The following ACAN variants were observed in gnomAD, a reference collection of about 807,000 sequenced individuals.
The protein encoded by ACAN is aggrecan.
In ACAN, 47 loss-of-function variants were observed where a neutral mutation model predicts 169.1. The ratio of observed to expected loss-of-function variants is 0.28; its 90% CI spans 0.22 to 0.35. The LOEUF (loss-of-function observed/expected upper bound fraction) is 0.35. Ranked by LOEUF, ACAN falls within the 10% of genes least tolerant of loss-of-function variation. The pLI, the probability that ACAN is intolerant of heterozygous loss-of-function variation, is 1.00. For missense variants in ACAN, 2,716 were observed against 2,759.9 expected, an observed-to-expected ratio of 0.98 and a Z score of 0.36; for synonymous variants, 1,115 against 1,112.2, an observed-to-expected ratio of 1.00 and a Z score of -0.05.
In ACAN at chr15:88,838,631, G is replaced by A; in HGVS notation, c.71-32G>A. 2 of 1,550,088 alleles carry A rather than the reference G, an allele frequency of 1.3e-6. No individual in the cohort carries two copies. Among genetic ancestry groups the A allele is most frequent in the South Asian group, 1.3e-5 (1 of 79,984 alleles). The stretch of plus-strand genomic sequence containing the variant: ...GGGTGGTCCTCTCTAGGCACTAACA[G>A]GTCTCTCTTCTACCCCACCTCTCCC... On this transcript the variant is annotated intron_variant, in intron 2 of 18. Transcript: ENST00000560601. The surrounding 1 kb of genome is among the most constrained non-coding windows in gnomAD (Gnocchi z 5.1).
chr15:88,844,119 G>A (rs368197575), intron 6 of ACAN, among the ~76,000 whole-genome samples: 9 of 151,934 alleles, frequency 5.9e-5, no homozygotes, highest in South Asian at 2.1e-4. Context: ...GGTCAAAATG[G>A]GTTTTGTTGT....
In ACAN at chr15:88,851,490, TAAAGCTGTTGTGAGATA is replaced by T. The variant is rs1896928981; in HGVS notation, c.2027-301_2027-285del. 1 of 290,750 alleles carries T rather than the reference TAAAGCTGTTGTGAGATA, an allele frequency of 3.4e-6. No homozygotes were observed. Among genetic ancestry groups the T allele is most frequent in the African/African-American group, 2.1e-5 (1 of 46,592 alleles). 18.0% of individuals were successfully genotyped at this position (290,750 alleles called of 1,614,324 possible). On this transcript the variant is annotated intron_variant, in intron 10 of 18. Coordinates refer to ENST00000560601, the MANE Select transcript of ACAN (RefSeq NM_001369268.1). This position sits in a 1 kb window ranked among gnomAD's most constrained non-coding sequence, Gnocchi z 4.3. ...AAATGAGATAATCATATCTCTCTCA[TAAAGCTGTTGTGAGATA>T]AAGTGATTTTAGATACACAAGGCTT...
At position 88,866,298 on chromosome 15, in the gene ACAN, A is replaced by C. The variant is rs1897279374; in HGVS notation, c.6947-1918A>C. Among the ~76,000 whole-genome samples the C allele has an allele frequency of 6.6e-6, 1 of 152,098 alleles. No homozygotes were observed. Among genetic ancestry groups the C allele is most frequent in the Non-Finnish European group, 1.5e-5 (1 of 68,024 alleles). On this transcript the variant is annotated intron_variant, in intron 13 of 18. Coordinates refer to ENST00000560601, the MANE Select transcript of ACAN (RefSeq NM_001369268.1). The surrounding 1 kb of genome is among the most constrained non-coding windows in gnomAD (Gnocchi z 5.6). ...GCCACTCCTGTTCCCTGCTCTGTAC[A>C]ACTGCTTTAGCACCTACATTTGCTT...
At position 88,862,378 on chromosome 15, in the gene ACAN, C is replaced by T. The variant is rs144042067; in HGVS notation, c.6946+1939C>T. 4.6e-5 allele frequency among the ~76,000 whole-genome samples: 7 copies of T among 152,334 alleles called. No homozygotes were observed. In the East Asian group the frequency reaches 1.3e-3, roughly 29 times the overall value. On this transcript the variant is annotated intron_variant, in intron 13 of 18. Transcript: ENST00000560601. ...AGGCGACTCCAATGTGCAGCCAGGA[C>T]TGAGAACCGCTGCTGTGAGGGTGAA...
At chr15:88,804,131 C>T (rs1279067166) in intron 1 of ACAN, among the ~76,000 whole-genome samples, 4 of 152,162 alleles carry the variant, frequency 2.6e-5, no homozygotes, top group African/African-American at 7.2e-5. Context: ...TCTGGAAAGA[C>T]CCATGGTTGA....
intron 1 of ACAN, among the ~76,000 whole-genome samples, chr15:88,824,182 G>A (rs535880821): frequency 6.6e-6 from 1 of 152,220 alleles, no homozygotes; most frequent in Admixed American, 6.5e-5. Context: ...AAATTAGCCA[G>A]GCGTGGTGGC....
rs1897397823 is a variant in ACAN, at chr15:88,872,208, CT to C, written c.7302+125del. The C allele has an allele frequency of 1.2e-6, 1 of 824,192 alleles. No individual in the cohort carries two copies. The highest frequency in any genetic ancestry group is 2.1e-5 in the Admixed American group (1 of 48,296). 51.1% of individuals were successfully genotyped at this position (824,192 alleles called of 1,614,324 possible). ...CTTACCAGCTGCTGGACCGGGAACC[CT>C]TGAGGGCAGGGATTATCTCCTTCAT... On this transcript the variant is annotated intron_variant, in intron 16 of 18. Coordinates refer to ENST00000560601, the MANE Select transcript of ACAN (RefSeq NM_001369268.1). The surrounding 1 kb of genome is among the most constrained non-coding windows in gnomAD (Gnocchi z 5.4).
Position 88,847,972 on chromosome 15 carries a change from A to G in ACAN, c.1666A>G (p.Arg556Gly). 1 of 1,614,048 alleles carries G rather than the reference A, an allele frequency of 6.2e-7. No individual in the cohort carries two copies. The highest frequency in any genetic ancestry group is 8.5e-7 in the Non-Finnish European group (1 of 1,179,896). Reference sequence around the variant, plus strand: ...TGACAAGGACAGCAGCCCAGGGGTCAGGACCTATGGCGTGCGCCCATCAAC... The same window carrying G: ...TGACAAGGACAGCAGCCCAGGGGTCGGGACCTATGGCGTGCGCCCATCAAC... The part of the protein sequence containing the change: ...VGDKDSSPGV[R>G]TYGVRPSTET... The change falls in exon 9 of 19, where the codon AGG (arginine) becomes GGG (glycine). Residue 556 changes from arginine to glycine, a missense_variant. Arg to Gly is a moderately radical substitution (Grantham distance 125). This residue lies in a region of ACAN where 1,283 missense variants were observed against 1,281.5 expected (regional missense o/e 1.00). Transcript: ENST00000560601.
rs149963286 is a variant in ACAN at position 88,858,192 on chromosome 15, T to C, written c.5607T>C (p.Ser1869=). ...PSGEADLSGK[S]GMVDVSGQFS... is the part of the protein sequence containing the mutation. ...GAGAGGCAGATCTGTCAGGCAAATC[T>C]GGGATGGTGGATGTCAGTGGACAGT... Residue 1869 remains serine (S), a synonymous_variant, in exon 12 of 19, where the codon TCT becomes TCC. Coordinates refer to ENST00000560601, the MANE Select transcript of ACAN (RefSeq NM_001369268.1). The surrounding 1 kb of genome is among the most constrained non-coding windows in gnomAD (Gnocchi z 4.0). 6.8e-6 allele frequency: 11 copies of C among 1,613,968 alleles called. No homozygotes were observed. The highest frequency in any genetic ancestry group is 9.3e-6 in the Non-Finnish European group (11 of 1,179,896).
At chr15:88,815,656 T>TAAAAAA (rs58267198) in intron 1 of ACAN, among the ~76,000 whole-genome samples, 52 of 54,206 alleles carry the variant, frequency 9.6e-4, no homozygotes, top group African/African-American at 3.7e-3. Context: ...CTGCACTGAT[T>TAAAAAA]AAAAAAAAAA....
intron 5 of ACAN, among the ~76,000 whole-genome samples, chr15:88,842,875 T>C (rs536464450): frequency 6.6e-6 from 1 of 152,286 alleles, no homozygotes; most frequent in East Asian, 1.9e-4. Flanking sequence ...CCTCGAATGA[T>C]GCTCTTACGG....
Position 88,857,193 on chromosome 15 carries a change from G to C in ACAN, c.4608G>C (p.Glu1536Asp). Residue 1536 changes from glutamate (E) to aspartate (D), a missense_variant, in exon 12 of 19, where the codon GAG (glutamate) becomes GAC (aspartate). Physicochemically the swap from Glu to Asp is conservative, Grantham distance 45. Around this residue, in one of 3 missense-constraint regions of ACAN, gnomAD observed 1,389 missense variants for 1,363.7 expected, o/e 1.02. Coordinates refer to ENST00000560601, the MANE Select transcript of ACAN (RefSeq NM_001369268.1). ...SRLPSGEEVLEISASGFGDLS... is the reference protein window; with the variant it reads ...SRLPSGEEVLDISASGFGDLS... ...TCCCTTCTGGAGAAGAAGTTCTAGA[G>C]ATTTCTGCCTCTGGATTTGGGGACC... The C allele has an allele frequency of 6.2e-7, 1 of 1,613,804 alleles. No homozygotes were observed. Among genetic ancestry groups the C allele is most frequent in the Non-Finnish European group, 8.5e-7 (1 of 1,179,816 alleles).
intron 1 of ACAN, among the ~76,000 whole-genome samples, chr15:88,827,429 G>T (rs1034128012): frequency 1.3e-5 from 2 of 152,264 alleles, no homozygotes; most frequent in Non-Finnish European, 2.9e-5. Context: ...GATGCAAATT[G>T]TATGTGGGTG....
rs1555450502 is a variant in ACAN, at chr15:88,807,786, G to GTA, written c.-8+3977_-8+3978insTA. 3.3e-5 allele frequency among the ~76,000 whole-genome samples: 5 copies of GTA among 149,562 alleles called. No individual in the cohort carries two copies. Among genetic ancestry groups the GTA allele is most frequent in the Admixed American group, 3.3e-4 (5 of 15,108 alleles). ...TGTGTGTGTGTGTGTGTGTGTGTGTGCATGCTGGCAGGGCGGGCCCTGCGG... is the reference window on the plus strand; with the variant it reads ...TGTGTGTGTGTGTGTGTGTGTGTGTGTACATGCTGGCAGGGCGGGCCCTGCGG... On this transcript the variant is annotated intron_variant, in intron 1 of 18. Coordinates refer to ENST00000560601, the MANE Select transcript of ACAN (RefSeq NM_001369268.1). This position sits in a 1 kb window ranked among gnomAD's most constrained non-coding sequence, Gnocchi z 4.0.
In ACAN at chr15:88,857,865, T is replaced by C; in HGVS notation, c.5280T>C (p.Ser1760=). The C allele has an allele frequency of 6.2e-7, 1 of 1,613,756 alleles. No homozygotes were observed. Reference sequence around the variant, plus strand: ...TGACTGAGCTTAGCGGGCTGTCCTCTGGACAACCAGGTATTAGTGGAGAAG... The same window carrying C: ...TGACTGAGCTTAGCGGGCTGTCCTCCGGACAACCAGGTATTAGTGGAGAAG... The part of the protein sequence containing the change: ...SGVTELSGLS[S]GQPGISGEAS... The change falls in exon 12 of 19, where the codon TCT becomes TCC. Residue 1760 remains serine, a synonymous_variant. Transcript: ENST00000560601.
chr15:88,846,058 G>A (rs1896786473), intron 7 of ACAN, among the ~76,000 whole-genome samples, 176 bp downstream of exon 7: 1 of 152,214 alleles, frequency 6.6e-6, no homozygotes, highest in Non-Finnish European at 1.5e-5. Flanking sequence ...GGCCAGACTA[G>A]TCAGGTCCAC....
chr15:88,855,121 C>T lies in ACAN; in HGVS notation c.2536C>T (p.Pro846Ser), dbSNP rs1897020912. The part of the protein sequence containing the change: ...SASEEPYTPS[P>S]PVPSWTELPS... ...CTCGGAAGAGCCGTATACACCTTCA[C>T]CCCCCGTGCCCAGCTGGACTGAGCT... The change falls in exon 12 of 19, where the codon CCC becomes TCC. Residue 846 changes from proline to serine, a missense_variant. Around this residue, in one of 3 missense-constraint regions of ACAN, gnomAD observed 1,283 missense variants for 1,281.5 expected, o/e 1.00. Coordinates refer to ENST00000560601, the MANE Select transcript of ACAN (RefSeq NM_001369268.1). The T allele has an allele frequency of 6.2e-7, 1 of 1,604,514 alleles. No individual in the cohort carries two copies. The highest frequency in any genetic ancestry group is 8.5e-7 in the Non-Finnish European group (1 of 1,174,480).
At chr15:88,818,069 G>T (rs530902421) in intron 1 of ACAN, among the ~76,000 whole-genome samples, 1 of 152,218 alleles carries the variant, frequency 6.6e-6, no homozygotes, top group South Asian at 2.1e-4. Context: ...GCATGAACAT[G>T]TTTCCAAGTA....
In ACAN at chr15:88,814,528, GA is replaced by G. The variant is rs1895893231; in HGVS notation, c.-8+10722del. Among the ~76,000 whole-genome samples the G allele has an allele frequency of 6.6e-6, 1 of 152,196 alleles. No individual in the cohort carries two copies. The highest frequency in any genetic ancestry group is 1.5e-5 in the Non-Finnish European group (1 of 68,038). ...CTAGCTGAGGGACAGGACAGATGAC[GA>G]AAGCCAGGGCTGGCTCCTGATAGGC... On this transcript the variant is annotated intron_variant, in intron 1 of 18. Transcript: ENST00000560601. This position sits in a 1 kb window ranked among gnomAD's most constrained non-coding sequence, Gnocchi z 4.0.
Sources: allele counts gnomAD v4.1 joint callset (sites outside exome capture counted in the v4.1 genomes callset), GRCh38; gene constraint gnomAD v4.1.1; regional missense constraint gnomAD v4.1.1; non-coding constraint Gnocchi (gnomAD v3.1); transcripts MANE v1.5; gene names NCBI Gene and HGNC (gene_info 2026-07-23, HGNC 2026-07-21).